Variants in ADAMTS20 observed in about 807,000 individuals in gnomAD.
The protein encoded by ADAMTS20 is A disintegrin and metalloproteinase with thrombospondin motifs 20.
A neutral mutation model predicts 260.1 loss-of-function variants in ADAMTS20; 225 were observed. The ratio of observed to expected loss-of-function variants is 0.87; its 90% CI spans 0.78 to 0.97. The LOEUF (loss-of-function observed/expected upper bound fraction) is 0.97, where lower values mean the gene tolerates loss of function less well. Among genes scored for constraint, ADAMTS20 ranks in the 50% least tolerant of loss-of-function variants. ADAMTS20 has a pLI of 0.00. For missense variants in ADAMTS20, 2,400 were observed against 2,337.7 expected, an observed-to-expected ratio of 1.03 and a Z score of -0.55; for synonymous variants, 802 against 769.5, an observed-to-expected ratio of 1.04 and a Z score of -0.70.
chr12:43,464,499 T>C, intron 10 of ADAMTS20, 92 bp downstream of exon 10: 2 of 1,444,346 alleles, frequency 1.4e-6, no homozygotes, highest in Non-Finnish European at 1.9e-6. Context: ...AAAAGCTATA[T>C]TTAGTTCAAG....
chr12:43,479,056 G>A (rs141984732), intron 7 of ADAMTS20, among the ~76,000 whole-genome samples: 1,886 of 152,234 alleles, frequency 0.012, 17 homozygotes, highest in Middle Eastern at 0.02. Flanking sequence ...CTGGAGAGTT[G>A]AAGAACTGGT....
chr12:43,550,505 A>C (rs1262341036), intron 2 of ADAMTS20, among the ~76,000 whole-genome samples: 2 of 152,114 alleles, frequency 1.3e-5, no homozygotes, highest in Non-Finnish European at 2.9e-5. Context: ...CCTTCTATCA[A>C]ATTCCAGAAA....
intron 15 of ADAMTS20, among the ~76,000 whole-genome samples, chr12:43,446,233 T>C (rs1157744128): frequency 6.6e-6 from 1 of 152,170 alleles, no homozygotes; most frequent in Non-Finnish European, 1.5e-5. Context: ...GCAAGTTTCC[T>C]GGGAAAAATC....
chr12:43,434,321 C>A lies in ADAMTS20; in HGVS notation c.2644G>T (p.Val882Leu). Residue 882 changes from valine to leucine, a missense_variant, in exon 19 of 39, where the codon GTG becomes TTG. Val to Leu is a conservative substitution (Grantham distance 32, BLOSUM62 1). Coordinates refer to ENST00000389420, the MANE Select transcript of ADAMTS20 (RefSeq NM_025003.5). The part of the protein sequence containing the change: ...TCIHKSDHSV[V>L]SDKECDHLPL... Reference sequence around the variant, plus strand: ...AAGTGGTCACATTCTTTATCAGACACAACACTATGATCACTCTTATGTATG... The same window carrying A: ...AAGTGGTCACATTCTTTATCAGACAAAACACTATGATCACTCTTATGTATG... The A allele has an allele frequency of 6.3e-7, 1 of 1,593,164 alleles. No individual in the cohort carries two copies. Among genetic ancestry groups the A allele is most frequent in the South Asian group, 1.1e-5 (1 of 87,804 alleles).
chr12:43,377,197 T>A (rs1225461812), intron 32 of ADAMTS20, among the ~76,000 whole-genome samples, 168 bp downstream of exon 32: 1 of 152,160 alleles, frequency 6.6e-6, no homozygotes, highest in African/African-American at 2.4e-5. Flanking sequence ...ATAGCAAGCA[T>A]CGAACAAGAG....
chr12:43,483,427 C>T (rs1392059997), intron 7 of ADAMTS20, among the ~76,000 whole-genome samples: 1 of 152,134 alleles, frequency 6.6e-6, no homozygotes, highest in East Asian at 1.9e-4. Context: ...AGTCAGGCAG[C>T]CCTGGTGCTC....
intron 9 of ADAMTS20, among the ~76,000 whole-genome samples, chr12:43,465,993 T>C (rs1024772336): frequency 3.3e-5 from 5 of 152,000 alleles, no homozygotes; most frequent in African/African-American, 1.2e-4. Flanking sequence ...AAAAAGATTA[T>C]TGGGAAGGAG....
chr12:43,466,853 A>C (rs776592348), intron 8 of ADAMTS20, 58 bp from the exon 9 acceptor site: 286 of 1,279,560 alleles, frequency 2.2e-4, no homozygotes, highest in Non-Finnish European at 3.0e-4. Flanking sequence ...GATATTAGTA[A>C]TAGATCCTTT....
rs1943527786 is a variant in ADAMTS20 at position 43,552,155 on chromosome 12, C to A, written c.-234G>T. ...AGCCTCACCCCCCTTCCTGCGCCCGCGCTGCCCTCAGAAACTCTCTGCTCA... is the reference window on the plus strand; with the variant it reads ...AGCCTCACCCCCCTTCCTGCGCCCGAGCTGCCCTCAGAAACTCTCTGCTCA... On this transcript the variant is annotated 5_prime_UTR_variant, in exon 1 of 39. Coordinates refer to ENST00000389420, the MANE Select transcript of ADAMTS20 (RefSeq NM_025003.5). Among the ~76,000 whole-genome samples, 1 of 152,238 alleles carries A rather than the reference C, an allele frequency of 6.6e-6. No individual in the cohort carries two copies. Among genetic ancestry groups the A allele is most frequent in the Non-Finnish European group, 1.5e-5 (1 of 68,038 alleles).
chr12:43,353,343 A>T (rs1303431589), downstream of ADAMTS20, among the ~76,000 whole-genome samples: 7 of 152,036 alleles, frequency 4.6e-5, no homozygotes, highest in African/African-American at 1.7e-4. Context: ...AAATTAAAAG[A>T]ATTCTCACAT....
At chr12:43,539,279 T>C (rs275375) in intron 2 of ADAMTS20, among the ~76,000 whole-genome samples, 141,290 of 152,166 alleles carry the variant, frequency 0.93, 66,034 homozygotes, top group East Asian at 0.99. Context: ...GTTATGGTAC[T>C]CTTGAGACAT....
At chr12:43,511,816 A>AT (rs1942928012) in intron 3 of ADAMTS20, among the ~76,000 whole-genome samples, 1 of 152,148 alleles carries the variant, frequency 6.6e-6, no homozygotes, top group South Asian at 2.1e-4. Flanking sequence ...GCAACAATCC[A>AT]TTTTTTAAAT....
intron 3 of ADAMTS20, among the ~76,000 whole-genome samples, chr12:43,529,467 C>T (rs1205605668): frequency 6.6e-6 from 1 of 152,140 alleles, no homozygotes; most frequent in Non-Finnish European, 1.5e-5. Context: ...GAATACTACT[C>T]AGCCACAAAA....
intron 14 of ADAMTS20, 73 bp downstream of exon 14, chr12:43,452,201 G>C: frequency 7.0e-7 from 1 of 1,422,916 alleles, no homozygotes. Flanking sequence ...AGTAATATTT[G>C]GTTATATAAA....
intron 3 of ADAMTS20, among the ~76,000 whole-genome samples, chr12:43,507,974 T>C (rs561165133): frequency 6.6e-6 from 1 of 151,938 alleles, no homozygotes; most frequent in South Asian, 2.1e-4. Context: ...CAACAGACAC[T>C]AGGGCCTACT....
chr12:43,358,755 T>C (rs911780706), intron 37 of ADAMTS20, among the ~76,000 whole-genome samples: 1 of 142,636 alleles, frequency 7.0e-6, no homozygotes, highest in Non-Finnish European at 1.5e-5. Context: ...GAGAATGGCG[T>C]GAACCCGGGA....
chr12:43,376,276 TC>T lies in ADAMTS20; in HGVS notation c.5179del (p.Asp1727MetfsTer12). 1 of 1,556,030 alleles carries T rather than the reference TC, an allele frequency of 6.4e-7. No individual in the cohort carries two copies. Among genetic ancestry groups the T allele is most frequent in the Non-Finnish European group, 8.7e-7 (1 of 1,148,452 alleles). ...EIQVKNHIRK[D>X]GDYYLNIKGR... ...CTTAATGTTAAGGTAATAGTCACCATCCTTTCTAATGTGGTTTTTCACTTGA... is the reference window on the plus strand; with the variant it reads ...CTTAATGTTAAGGTAATAGTCACCATCTTTCTAATGTGGTTTTTCACTTGA... On this transcript the variant is annotated frameshift_variant, in exon 34 of 39. Coordinates refer to ENST00000389420, the MANE Select transcript of ADAMTS20 (RefSeq NM_025003.5). LOFTEE classifies it high-confidence loss of function.
intron 11 of ADAMTS20, among the ~76,000 whole-genome samples, chr12:43,455,769 C>T (rs558421095): frequency 6.7e-6 from 1 of 150,238 alleles, no homozygotes; most frequent in East Asian, 2.0e-4. Flanking sequence ...AGTGCAGTGG[C>T]GTGATCACAG....
intron 11 of ADAMTS20, among the ~76,000 whole-genome samples, chr12:43,459,807 G>A (rs1942028453): frequency 1.3e-5 from 2 of 152,086 alleles, no homozygotes; most frequent in Non-Finnish European, 2.9e-5. Flanking sequence ...ATGTGCGTGT[G>A]CATTTTGTTA....
Sources: allele counts gnomAD v4.1 joint callset (sites outside exome capture counted in the v4.1 genomes callset), GRCh38; gene constraint gnomAD v4.1.1; transcripts MANE v1.5; gene names NCBI Gene and HGNC (gene_info 2026-07-23, HGNC 2026-07-21).